LOXHD1: variants seen among roughly 807,000 people sequenced by gnomAD.
LOXHD1 encodes lipoxygenase homology PLAT domains 1, also known as lipoxygenase homology domain-containing protein 1.
In LOXHD1, 205 loss-of-function variants were observed where a neutral mutation model predicts 248.2. The observed-to-expected ratio is 0.83, with a 90% CI of 0.74 to 0.93. The LOEUF is 0.93. Ranked by LOEUF, LOXHD1 falls within the 40% of genes least tolerant of loss-of-function variation. The pLI, the probability that LOXHD1 is intolerant of heterozygous loss-of-function variation, is 0.00. For synonymous variants in LOXHD1, 1,113 were observed against 1,162.8 expected (o/e 0.96, Z 0.87); for missense variants, 2,930 against 2,971.6 (o/e 0.99, Z 0.33).
At chr18:46,516,582 C>G (rs945573395) in intron 34 of LOXHD1, among the ~76,000 whole-genome samples, 10 of 152,162 alleles carry the variant, frequency 6.6e-5, no homozygotes, top group African/African-American at 2.4e-4. Flanking sequence ...TCACCAACAC[C>G]ACCTTCATCA....
At chr18:46,636,714 A>G (rs2038897423) in intron 4 of LOXHD1, among the ~76,000 whole-genome samples, 1 of 152,212 alleles carries the variant, frequency 6.6e-6, no homozygotes, top group South Asian at 2.1e-4. Context: ...CATGTTTTGA[A>G]ATATTTTACC....
intron 25 of LOXHD1, among the ~76,000 whole-genome samples, chr18:46,540,339 C>T (rs1306510598): frequency 6.6e-6 from 1 of 152,176 alleles, no homozygotes; most frequent in African/African-American, 2.4e-5. Context: ...ACTAGCCCCA[C>T]AATGGCTTGA....
chr18:46,483,854 G>C, intron 39 of LOXHD1, 109 bp from the exon 40 acceptor site: 1 of 1,322,662 alleles, frequency 7.6e-7, no homozygotes, highest in Non-Finnish European at 1.0e-6. Context: ...AACAGGGATG[G>C]GATGGCAAGC....
rs1373468066 is a variant in LOXHD1 at position 46,559,509 on chromosome 18, C to T, written c.3155G>A (p.Gly1052Glu). ...VYLTIYGEEY[G>E]DTGERPLKKS... is the part of the protein sequence containing the mutation. Reference sequence around the variant, plus strand: ...CTTCAGGGGTCGTTCGCCCGTGTCTCCATACTCCTCGCCGTAGATGGTTAG... The same window carrying T: ...CTTCAGGGGTCGTTCGCCCGTGTCTTCATACTCCTCGCCGTAGATGGTTAG... The change falls in exon 20 of 41, where the codon GGA becomes GAA. Residue 1052 changes from glycine (G) to glutamate (E), a missense_variant. Gly to Glu is a moderately conservative substitution (Grantham distance 98). Transcript: ENST00000642948. 6.4e-7 allele frequency: 1 copy of T among 1,552,096 alleles called. No individual in the cohort carries two copies. Among genetic ancestry groups the T allele is most frequent in the African/African-American group, 1.4e-5 (1 of 73,152 alleles).
chr18:46,505,780 G>A, intron 37 of LOXHD1, 58 bp downstream of exon 37: 1 of 1,530,426 alleles, frequency 6.5e-7, no homozygotes, highest in Admixed American at 2.0e-5. Flanking sequence ...GGGAATAATG[G>A]CTCAGGAAGG....
At chr18:46,484,042 G>C (rs1442006527) in intron 39 of LOXHD1, among the ~76,000 whole-genome samples, 1 of 152,148 alleles carries the variant, frequency 6.6e-6, no homozygotes, top group African/African-American at 2.4e-5. Context: ...AGGAGGGGAA[G>C]GGAAGAGTCC....
chr18:46,537,898 G>A (rs898399123), intron 26 of LOXHD1, among the ~76,000 whole-genome samples: 1 of 152,184 alleles, frequency 6.6e-6, no homozygotes, highest in South Asian at 2.1e-4. Flanking sequence ...TTGGCTTTAT[G>A]CCTCTAGTGT....
rs2037929000 is a variant in LOXHD1 at position 46,579,802 on chromosome 18, G to A, written c.1655-18C>T. ...CCGGGCCACTGGCAGGCAGAGAGAG[G>A]GACATCATTGCTGACAGCCCCCTGC... is the stretch of plus-strand genomic sequence containing the variant. On this transcript the variant is annotated intron_variant, in intron 12 of 40. Transcript: ENST00000642948. 2 of 1,548,046 alleles carry A rather than the reference G, an allele frequency of 1.3e-6. No individual in the cohort carries two copies. Among genetic ancestry groups the A allele is most frequent in the South Asian group, 1.2e-5 (1 of 83,830 alleles).
Position 46,518,206 on chromosome 18 carries a change from A to G in LOXHD1, c.5322T>C (p.Thr1774=). The G allele has an allele frequency of 1.3e-6, 2 of 1,551,690 alleles. No individual in the cohort carries two copies. The highest frequency in any genetic ancestry group is 8.7e-7 in the Non-Finnish European group (1 of 1,146,974). Reference sequence around the variant, plus strand: ...AGAGGGTCATGAAGATGTTGGAGTCAGTGCCCCCGCCAACCACATCCCCTG... The same window carrying G: ...AGAGGGTCATGAAGATGTTGGAGTCGGTGCCCCCGCCAACCACATCCCCTG... ...VWTGDVVGGG[T]DSNIFMTLYG... Residue 1774 remains threonine (T), a synonymous_variant, in exon 34 of 41, where the codon ACT becomes ACC. Coordinates refer to ENST00000642948, the MANE Select transcript of LOXHD1 (RefSeq NM_001384474.1).
intron 7 of LOXHD1, among the ~76,000 whole-genome samples, chr18:46,603,548 G>C (rs1412028304): frequency 6.6e-6 from 1 of 152,188 alleles, no homozygotes; most frequent in African/African-American, 2.4e-5. Context: ...GCCATGCTGG[G>C]AGTTGGAAGT....
At chr18:46,479,790 A>C (rs1232070224) in intron 40 of LOXHD1, among the ~76,000 whole-genome samples, 1 of 150,180 alleles carries the variant, frequency 6.7e-6, no homozygotes, top group Non-Finnish European at 1.5e-5. Flanking sequence ...AAAAAAAAAC[A>C]CCTTTGGTTT....
chr18:46,622,299 G>A (rs924159957), intron 4 of LOXHD1, among the ~76,000 whole-genome samples: 3 of 152,372 alleles, frequency 2.0e-5, no homozygotes, highest in East Asian at 3.9e-4. Flanking sequence ...AAATGGGTAT[G>A]TGGCTATGCT....
chr18:46,517,484 T>C (rs1007072688), intron 34 of LOXHD1, among the ~76,000 whole-genome samples: 1 of 152,176 alleles, frequency 6.6e-6, no homozygotes, highest in African/African-American at 2.4e-5. Flanking sequence ...AAAGACTAAG[T>C]GTATCAATAC....
chr18:46,619,360 T>C (rs892495174), intron 4 of LOXHD1, among the ~76,000 whole-genome samples: 3 of 152,324 alleles, frequency 2.0e-5, no homozygotes, highest in African/African-American at 7.2e-5. Flanking sequence ...CTTAGAGGTT[T>C]TTCTCTTCTG....
chr18:46,602,013 G>C (rs2038347527), intron 7 of LOXHD1, among the ~76,000 whole-genome samples: 1 of 152,106 alleles, frequency 6.6e-6, no homozygotes, highest in Non-Finnish European at 1.5e-5. Flanking sequence ...GAGGGAGAGA[G>C]AGAACATTGT....
In LOXHD1 at chr18:46,518,120, T is replaced by A; in HGVS notation, c.5399+9A>T. ...GGAGGGGTGAGGGGCAGGGGCCGCC[T>A]CCAGGTACCTGGCTTTCTTTTTGTC... On this transcript the variant is annotated intron_variant, in intron 34 of 40. Coordinates refer to ENST00000642948, the MANE Select transcript of LOXHD1 (RefSeq NM_001384474.1). 2 of 1,551,414 alleles carry A rather than the reference T, an allele frequency of 1.3e-6. No homozygotes were observed. Among genetic ancestry groups the A allele is most frequent in the Non-Finnish European group, 1.7e-6 (2 of 1,146,968 alleles).
At chr18:46,564,564 T>C (rs1388163215) in intron 17 of LOXHD1, among the ~76,000 whole-genome samples, 2 of 152,022 alleles carry the variant, frequency 1.3e-5, no homozygotes, top group Non-Finnish European at 2.9e-5. Context: ...GATAGGTATA[T>C]TGTTTAAAAA....
chr18:46,483,800 A>T (rs2032797906), intron 39 of LOXHD1, 55 bp from the exon 40 acceptor site: 2 of 1,525,896 alleles, frequency 1.3e-6, no homozygotes, highest in East Asian at 4.9e-5. Context: ...GAAGCAGGTA[A>T]GCATTTGTCG....
intron 25 of LOXHD1, among the ~76,000 whole-genome samples, chr18:46,540,221 C>T (rs1474599825): frequency 6.6e-6 from 1 of 152,154 alleles, no homozygotes; most frequent in South Asian, 2.1e-4. Context: ...GCTTGCCTGA[C>T]CTTAAAGCGT....
Sources: gnomAD v4.1 joint callset for allele counts (sites outside exome capture counted in the v4.1 genomes callset) on GRCh38, gnomAD v4.1.1 for gene constraint, MANE v1.5 for transcripts, NCBI Gene and HGNC (gene_info 2026-07-23, HGNC 2026-07-21) for gene names.